The following ALCAM variants were observed in gnomAD, a reference collection of about 807,000 sequenced individuals.
ALCAM encodes activated leukocyte cell adhesion molecule.
A neutral mutation model predicts 70.9 loss-of-function variants in ALCAM; 30 were observed. The observed-to-expected ratio is 0.42, with a 90% CI of 0.32 to 0.57. The LOEUF (loss-of-function observed/expected upper bound fraction) is 0.57, where lower values mean the gene tolerates loss of function less well. Among genes scored for constraint, ALCAM ranks in the 20% least tolerant of loss-of-function variants. The probability of loss-of-function intolerance (pLI) is 0.11; values close to 1 mark genes in which losing one functional copy is unlikely to be tolerated. For synonymous variants in ALCAM, 249 were observed against 242.5 expected (o/e 1.03, Z -0.25); for missense variants, 591 against 695.1 (o/e 0.85, Z 1.68).
At chr3:105,425,652 C>T (rs1222165138) in intron 1 of ALCAM, among the ~76,000 whole-genome samples, 1 of 151,574 alleles carries the variant, frequency 6.6e-6, no homozygotes, top group East Asian at 1.9e-4. Context: ...TTTAAATGTA[C>T]CATGCAGAAC....
rs1350043544 is a variant in ALCAM at position 105,524,378 on chromosome 3, C to G, written c.264C>G (p.Asp88Glu). 6.2e-7 allele frequency: 1 copy of G among 1,613,990 alleles called. No individual in the cohort carries two copies. The highest frequency in any genetic ancestry group is 1.3e-5 in the African/African-American group (1 of 74,902). The change falls in exon 3 of 16, where the codon GAC becomes GAG. Residue 88 changes from aspartate (D) to glutamate (E), a missense_variant. By Grantham distance (45) the Asp-to-Glu change is conservative. Transcript: ENST00000306107. The stretch of plus-strand genomic sequence containing the variant: ...ACGACGATGTACCAGAATACAAAGA[C>G]AGATTGAACCTCTCAGAAAACTACA... ...VQYDDVPEYK[D>E]RLNLSENYTL...
intron 1 of ALCAM, among the ~76,000 whole-genome samples, chr3:105,504,555 G>GTCTT (rs35005746): frequency 0.7 from 106,545 of 151,642 alleles, 37,589 homozygotes; most frequent in African/African-American, 0.74. Context: ...CCAACTCCGC[G>GTCTT]TCTGTTTCTG....
chr3:105,397,263 A>T (rs1935978366), intron 1 of ALCAM, among the ~76,000 whole-genome samples: 1 of 152,024 alleles, frequency 6.6e-6, no homozygotes, highest in Non-Finnish European at 1.5e-5. Flanking sequence ...TTAAGTTTTG[A>T]TTTTTGTTTA....
In ALCAM at chr3:105,477,881, A is replaced by C. The variant is rs925122263; in HGVS notation, c.74-42186A>C. On this transcript the variant is annotated intron_variant, in intron 1 of 15. Coordinates refer to ENST00000306107, the MANE Select transcript of ALCAM (RefSeq NM_001627.4). ...CAAATATACAGTATTAGATATTTTA[A>C]ATTTTACTCATAGACTTCCATTTGT... Among the ~76,000 whole-genome samples, 2 of 152,210 alleles carry C rather than the reference A, an allele frequency of 1.3e-5. 1 individual carries two copies. Among genetic ancestry groups the C allele is most frequent in the African/African-American group, 4.8e-5 (2 of 41,550 alleles).
rs778587923 is a variant in ALCAM, at chr3:105,552,584, A to G, written c.1663A>G (p.Lys555Glu). The G allele has an allele frequency of 1.2e-6, 2 of 1,611,226 alleles. No homozygotes were observed. Among genetic ancestry groups the G allele is most frequent in the Non-Finnish European group, 1.7e-6 (2 of 1,177,990 alleles). ...CTACTGGCTGTACATGAAGAAGTCA[A>G]AGTGAGTTGTGGAAAAAAGATCTTC... ...VVYWLYMKKS[K>E]TASKHVNKDL... The change falls in exon 14 of 16, where the codon AAG (lysine) becomes GAG (glutamate). Residue 555 changes from lysine (K) to glutamate (E), a missense_variant and splice_region_variant. Physicochemically the swap from Lys to Glu is moderately conservative, Grantham distance 56 (BLOSUM62 1). Coordinates refer to ENST00000306107, the MANE Select transcript of ALCAM (RefSeq NM_001627.4).
intron 2 of ALCAM, among the ~76,000 whole-genome samples, chr3:105,523,191 A>G (rs748039497): frequency 6.6e-6 from 1 of 150,444 alleles, no homozygotes; most frequent in Admixed American, 6.6e-5. Flanking sequence ...AACACCTGCC[A>G]TAAAGTTAAG....
At chr3:105,558,005 GTCC>G (rs1940555797) in intron 14 of ALCAM, among the ~76,000 whole-genome samples, 1 of 152,022 alleles carries the variant, frequency 6.6e-6, no homozygotes, top group Non-Finnish European at 1.5e-5. Context: ...GTGTCCTGCT[GTCC>G]TCCTCTAGTT....
chr3:105,375,894 A>C (rs1446173107), intron 1 of ALCAM, among the ~76,000 whole-genome samples: 1 of 152,222 alleles, frequency 6.6e-6, no homozygotes, highest in Non-Finnish European at 1.5e-5. Flanking sequence ...AGGGTGTGAC[A>C]ACAGCAAAGA....
intron 14 of ALCAM, 28 bp downstream of exon 14, chr3:105,552,613 G>A (rs769883582): frequency 6.8e-6 from 11 of 1,610,246 alleles, no homozygotes; most frequent in East Asian, 6.7e-5. Context: ...GATCTTCATC[G>A]TTCATTGACT....
chr3:105,481,771 A>T (rs1938277604), intron 1 of ALCAM, among the ~76,000 whole-genome samples: 1 of 151,886 alleles, frequency 6.6e-6, no homozygotes, highest in South Asian at 2.1e-4. Context: ...AATAAGTCTA[A>T]TTTTTTTTAA....
chr3:105,418,739 TA>T (rs1452610314), intron 1 of ALCAM, among the ~76,000 whole-genome samples: 1 of 151,858 alleles, frequency 6.6e-6, no homozygotes, highest in East Asian at 1.9e-4. Context: ...AATATGCTTT[TA>T]AAAATATAGA....
chr3:105,494,386 C>T, intron 1 of ALCAM, among the ~76,000 whole-genome samples: 1 of 152,178 alleles, frequency 6.6e-6, no homozygotes, highest in South Asian at 2.1e-4. Context: ...TAGAATATAA[C>T]AATGAATCTT....
Position 105,541,702 on chromosome 3 carries a change from G to T in ALCAM, c.928G>T (p.Asp310Tyr). The change falls in exon 8 of 16, where the codon GAC becomes TAC. Residue 310 changes from aspartate to tyrosine, a missense_variant. By Grantham distance (160) the Asp-to-Tyr change is radical. Coordinates refer to ENST00000306107, the MANE Select transcript of ALCAM (RefSeq NM_001627.4). ...LTDVRRNATG[D>Y]YKCSLIDKKS... Reference sequence around the variant, plus strand: ...GGATGTGAGGCGCAATGCAACAGGAGACTACAAGTGTTCCCTGATAGACAA... The same window carrying T: ...GGATGTGAGGCGCAATGCAACAGGATACTACAAGTGTTCCCTGATAGACAA... The T allele has an allele frequency of 6.2e-7, 1 of 1,612,344 alleles. No individual in the cohort carries two copies. The highest frequency in any genetic ancestry group is 8.5e-7 in the Non-Finnish European group (1 of 1,178,902).
intron 1 of ALCAM, among the ~76,000 whole-genome samples, chr3:105,481,608 T>A (rs561704141): frequency 6.4e-4 from 98 of 152,294 alleles, no homozygotes; most frequent in African/African-American, 2.3e-3. Flanking sequence ...GAAGACTAAT[T>A]CTACAACAAG....
intron 2 of ALCAM, among the ~76,000 whole-genome samples, chr3:105,520,580 C>T (rs16851256): frequency 0.034 from 5,207 of 152,206 alleles, 129 homozygotes; most frequent in Non-Finnish European, 0.053. Flanking sequence ...GACAGTCTTT[C>T]GGAATTAATC....
intron 1 of ALCAM, among the ~76,000 whole-genome samples, chr3:105,377,689 ATTTTTAT>A (rs1467761976): frequency 6.6e-6 from 1 of 152,010 alleles, no homozygotes; most frequent in Non-Finnish European, 1.5e-5. Flanking sequence ...TTTACCATGA[ATTTTTAT>A]TATTGTTCTT....
intron 1 of ALCAM, among the ~76,000 whole-genome samples, chr3:105,391,279 TG>T (rs2107353317): frequency 6.6e-6 from 1 of 152,208 alleles, no homozygotes; most frequent in South Asian, 2.1e-4. Context: ...CCTTGAGAAG[TG>T]GTTTGTAGTT....
chr3:105,393,607 G>A (rs964133221), intron 1 of ALCAM, among the ~76,000 whole-genome samples: 4 of 151,806 alleles, frequency 2.6e-5, no homozygotes, highest in Non-Finnish European at 5.9e-5. Context: ...CTCACTCTTA[G>A]AATTCACAAT....
intron 1 of ALCAM, among the ~76,000 whole-genome samples, chr3:105,431,054 G>A (rs1403373152): frequency 6.6e-6 from 1 of 151,488 alleles, no homozygotes; most frequent in Non-Finnish European, 1.5e-5. Flanking sequence ...TATGCTCATG[G>A]GCCATTTTTT....
Sources: gnomAD v4.1 joint callset for allele counts (sites outside exome capture counted in the v4.1 genomes callset) on GRCh38, gnomAD v4.1.1 for gene constraint, MANE v1.5 for transcripts, NCBI Gene and HGNC (gene_info 2026-07-23, HGNC 2026-07-21) for gene names.